SH3D19: variants seen among roughly 807,000 people sequenced by gnomAD.
The protein encoded by SH3D19 is SH3 domain-containing protein 19.
Under a neutral mutation model 112.1 loss-of-function variants are expected in SH3D19, and 58 were observed. The ratio of observed to expected loss-of-function variants is 0.52; its 90% CI spans 0.42 to 0.64. The LOEUF (loss-of-function observed/expected upper bound fraction) is 0.64, where lower values mean the gene tolerates loss of function less well. SH3D19 is among the 30% of genes least tolerant of loss of function. The pLI is 0.00. For missense variants in SH3D19, 1,090 were observed against 1,263.4 expected (o/e 0.86, Z 2.08); for synonymous variants, 391 against 448.5 (o/e 0.87, Z 1.62).
chr4:151,260,113 C>T (rs1772258421), intron 1 of SH3D19, among the ~76,000 whole-genome samples: 1 of 152,114 alleles, frequency 6.6e-6, no homozygotes, highest in Admixed American at 6.6e-5. Context: ...TTATGGAGTA[C>T]AAGTATAATT....
chr4:151,282,849 C>T (rs949285261), intron 1 of SH3D19, among the ~76,000 whole-genome samples: 1 of 152,006 alleles, frequency 6.6e-6, no homozygotes, highest in African/African-American at 2.4e-5. Context: ...ATAGTCATAC[C>T]TTTACTCAAT....
Position 151,128,319 on chromosome 4 carries a change from T to G in SH3D19, c.2780A>C (p.His927Pro). Residue 927 changes from histidine to proline, a missense_variant, in exon 18 of 20, where the codon CAC becomes CCC. Physicochemically the swap from His to Pro is moderately conservative, Grantham distance 77. Transcript: ENST00000604030. Reference sequence around the variant, plus strand: ...ATCACTGGTCTCTGCTGTAAAACTGTGAAGAGCTTCACACCATTCTGCCGG... The same window carrying G: ...ATCACTGGTCTCTGCTGTAAAACTGGGAAGAGCTTCACACCATTCTGCCGG... ...SLPAEWCEAL[H>P]SFTAETSDDL... The G allele has an allele frequency of 6.2e-7, 1 of 1,614,018 alleles. No homozygotes were observed. Among genetic ancestry groups the G allele is most frequent in the African/African-American group, 1.3e-5 (1 of 75,036 alleles).
chr4:151,159,099 T>C, intron 9 of SH3D19, 141 bp downstream of exon 9: 1 of 472,442 alleles, frequency 2.1e-6, no homozygotes, highest in Middle Eastern at 5.2e-4. Context: ...TATAAGTACA[T>C]GGGGCTTAGA....
intron 1 of SH3D19, among the ~76,000 whole-genome samples, chr4:151,286,199 A>AC (rs59814880): frequency 0.019 from 2,827 of 149,232 alleles, 117 homozygotes; most frequent in African/African-American, 0.067. Context: ...AAAAAAAAAA[A>AC]AAAAACAACT....
At chr4:151,282,171 C>T (rs370412647) in intron 1 of SH3D19, 57 of 1,613,790 alleles carry the variant, frequency 3.5e-5, no homozygotes, top group Non-Finnish European at 4.5e-5. Flanking sequence ...TTTTCATATA[C>T]TGTGTGGCTA....
chr4:151,290,848 A>T (rs571421679), intron 1 of SH3D19, among the ~76,000 whole-genome samples: 1 of 152,208 alleles, frequency 6.6e-6, no homozygotes, highest in Non-Finnish European at 1.5e-5. Flanking sequence ...TTAGTGAAAA[A>T]ATCATCTCAT....
chr4:151,294,555 C>G (rs17027528), intron 1 of SH3D19, among the ~76,000 whole-genome samples: 1,667 of 152,324 alleles, frequency 0.011, 20 homozygotes, highest in Middle Eastern at 0.031. Flanking sequence ...GTTAGCCCAG[C>G]ATGTTACCCA....
chr4:151,270,210 T>G (rs890457134), intron 1 of SH3D19, among the ~76,000 whole-genome samples: 2 of 152,182 alleles, frequency 1.3e-5, no homozygotes, highest in Non-Finnish European at 2.9e-5. Flanking sequence ...TCAAATCTCA[T>G]GTTGAATTGT....
intron 2 of SH3D19, among the ~76,000 whole-genome samples, chr4:151,219,889 T>G (rs971998792): frequency 6.6e-6 from 1 of 152,186 alleles, no homozygotes; most frequent in Non-Finnish European, 1.5e-5. Context: ...ATAAAGATAT[T>G]CTTATATATT....
Position 151,133,026 on chromosome 4 carries a change from A to G in SH3D19, c.2689+8T>C, listed in dbSNP as rs367794751. On this transcript the variant is annotated splice_region_variant and intron_variant, in intron 16 of 19. Coordinates refer to ENST00000604030, the MANE Select transcript of SH3D19 (RefSeq NM_001378122.1). Reference sequence around the variant, plus strand: ...CATAACATAATAAAAAAAATTCTCTATACTCACTTAAAACATTTGCACCAG... The same window carrying G: ...CATAACATAATAAAAAAAATTCTCTGTACTCACTTAAAACATTTGCACCAG... 25 of 1,611,592 alleles carry G rather than the reference A, an allele frequency of 1.6e-5. No homozygotes were observed. In the African/African-American group the frequency reaches 3.3e-4, roughly 22 times the overall value.
chr4:151,284,996 ACT>A (rs1774607623), intron 1 of SH3D19, among the ~76,000 whole-genome samples: 1 of 151,976 alleles, frequency 6.6e-6, no homozygotes, highest in Non-Finnish European at 1.5e-5. Context: ...GTAGCTCTGA[ACT>A]CTATCCTCTA....
chr4:151,288,660 C>T lies in SH3D19; in HGVS notation c.112+36581G>A, dbSNP rs546276712. Among the ~76,000 whole-genome samples the T allele has an allele frequency of 1.1e-4, 17 of 151,084 alleles. No individual in the cohort carries two copies. In the South Asian group the frequency reaches 1.7e-3, roughly 15 times the overall value. On this transcript the variant is annotated intron_variant, in intron 1 of 19. Coordinates refer to ENST00000604030, the MANE Select transcript of SH3D19 (RefSeq NM_001378122.1). Reference sequence around the variant, plus strand: ...CTCCAGCCTGGGCGGGGCAACGAAGCGAGACTCTGTCTTAAAAAAAAAAGA... The same window carrying T: ...CTCCAGCCTGGGCGGGGCAACGAAGTGAGACTCTGTCTTAAAAAAAAAAGA...
At chr4:151,306,155 G>A (rs1728890911) in intron 1 of SH3D19, among the ~76,000 whole-genome samples, 2 of 152,206 alleles carry the variant, frequency 1.3e-5, no homozygotes, top group South Asian at 4.1e-4. Flanking sequence ...TACAAAGTCA[G>A]CCCAGGGAAT....
chr4:151,300,274 G>A (rs1728257342), intron 1 of SH3D19, among the ~76,000 whole-genome samples: 1 of 152,136 alleles, frequency 6.6e-6, no homozygotes, highest in South Asian at 2.1e-4. Flanking sequence ...GCAGCAGGAT[G>A]GGAGCATTGT....
chr4:151,168,388 G>A (rs1409235700), intron 7 of SH3D19, among the ~76,000 whole-genome samples: 3 of 140,042 alleles, frequency 2.1e-5, no homozygotes, highest in Non-Finnish European at 3.1e-5. Context: ...CTTATCTTTC[G>A]AGTAGCATTT....
chr4:151,203,623 G>A (rs1764701636), intron 2 of SH3D19, among the ~76,000 whole-genome samples: 1 of 152,092 alleles, frequency 6.6e-6, no homozygotes, highest in Admixed American at 6.5e-5. Flanking sequence ...GTATGCCAAG[G>A]AACTGTCTTT....
chr4:151,279,148 CT>C (rs1773930369), intron 1 of SH3D19: 13 of 427,308 alleles, frequency 3.0e-5, no homozygotes, highest in South Asian at 2.1e-4. Context: ...GCAGCAGCAT[CT>C]TGGCCATCTA....
intron 1 of SH3D19, among the ~76,000 whole-genome samples, chr4:151,243,383 T>C (rs1770698284): frequency 6.6e-6 from 1 of 152,264 alleles, no homozygotes; most frequent in South Asian, 2.1e-4. Context: ...ACTTGCTTTC[T>C]ATTTCCCTCT....
intron 2 of SH3D19, among the ~76,000 whole-genome samples, chr4:151,224,830 A>G (rs1768728163): frequency 6.6e-6 from 1 of 152,144 alleles, no homozygotes; most frequent in Admixed American, 6.5e-5. Flanking sequence ...TACAGGTGTG[A>G]ACCACCATGC....
Sources: gnomAD v4.1 joint callset for allele counts (sites outside exome capture counted in the v4.1 genomes callset) on GRCh38, gnomAD v4.1.1 for gene constraint, MANE v1.5 for transcripts, NCBI Gene and HGNC (gene_info 2026-07-23, HGNC 2026-07-21) for gene names.